The following ADGRL3 variants were observed in gnomAD, a reference collection of about 807,000 sequenced individuals.
ADGRL3 encodes the protein adhesion G protein-coupled receptor L3, also known as calcium-independent alpha-latrotoxin receptor 3.
A neutral mutation model predicts 153.5 loss-of-function variants in ADGRL3; 62 were observed. The observed-to-expected ratio is 0.40, with a 90% CI of 0.33 to 0.50. ADGRL3 has a LOEUF of 0.50. ADGRL3 is among the 20% of genes least tolerant of loss of function. ADGRL3 has a pLI of 0.47. For missense variants in ADGRL3, 1,641 were observed against 1,859.4 expected (o/e 0.88, Z 2.16); for synonymous variants, 710 against 672.5 (o/e 1.06, Z -0.86).
At chr4:61,279,050 T>C (rs1474818775) in intron 1 of ADGRL3, among the ~76,000 whole-genome samples, 1 of 152,200 alleles carries the variant, frequency 6.6e-6, no homozygotes, top group East Asian at 1.9e-4. Context: ...CGTCTGTTCA[T>C]GATCATAAAA....
At chr4:61,912,201 G>C (rs898463290) in intron 12 of ADGRL3, among the ~76,000 whole-genome samples, 4 of 152,084 alleles carry the variant, frequency 2.6e-5, no homozygotes, top group African/African-American at 9.7e-5. Flanking sequence ...GAGTCATAAT[G>C]AATGGGCATT....
chr4:61,863,177 C>T (rs1009316764), intron 9 of ADGRL3, among the ~76,000 whole-genome samples: 24 of 150,854 alleles, frequency 1.6e-4, no homozygotes, highest in African/African-American at 5.4e-4. Context: ...TAACATAGAT[C>T]GACACATTAT....
chr4:61,743,024 AG>A (rs2096601521), intron 8 of ADGRL3, among the ~76,000 whole-genome samples: 1 of 151,604 alleles, frequency 6.6e-6, no homozygotes, highest in Non-Finnish European at 1.5e-5. Flanking sequence ...CAATAATGTT[AG>A]AAAAAACAAT....
intron 2 of ADGRL3, among the ~76,000 whole-genome samples, chr4:61,488,471 C>G (rs1046776275): frequency 4.0e-5 from 6 of 151,890 alleles, no homozygotes; most frequent in Non-Finnish European, 7.4e-5. Flanking sequence ...GTCTTCCTTG[C>G]TCTGATCTCT....
intron 6 of ADGRL3, among the ~76,000 whole-genome samples, chr4:61,709,408 G>T (rs2095920043): frequency 6.6e-6 from 1 of 151,928 alleles, no homozygotes; most frequent in African/African-American, 2.4e-5. Context: ...CCTGTTTTAT[G>T]TTTACCATTG....
chr4:62,007,389 C>CAA (rs2099163860), intron 21 of ADGRL3, among the ~76,000 whole-genome samples: 1 of 41,844 alleles, frequency 2.4e-5, no homozygotes, highest in African/African-American at 9.8e-5. Flanking sequence ...TATATACACA[C>CAA]ACACACATAT....
At chr4:61,438,710 CTTT>C (rs11372072) in intron 2 of ADGRL3, among the ~76,000 whole-genome samples, 2 of 137,904 alleles carry the variant, frequency 1.5e-5, no homozygotes, top group Admixed American at 7.4e-5. Flanking sequence ...ATCTTTCTTT[CTTT>C]TTTTTTTTTT....
chr4:61,895,447 C>G (rs994191450), intron 10 of ADGRL3, among the ~76,000 whole-genome samples: 2 of 144,934 alleles, frequency 1.4e-5, no homozygotes, highest in Non-Finnish European at 3.0e-5. Context: ...GTCTGGGCAA[C>G]AGAACAAGAC....
intron 4 of ADGRL3, among the ~76,000 whole-genome samples, chr4:61,541,346 ATTTTT>A (rs3075146): frequency 9.7e-6 from 1 of 103,332 alleles, no homozygotes; most frequent in Non-Finnish European, 1.8e-5. Flanking sequence ...TCTGGTAGAG[ATTTTT>A]TTTTTTTTTT....
chr4:61,346,666 T>G (rs141401202), intron 1 of ADGRL3, among the ~76,000 whole-genome samples: 112 of 150,756 alleles, frequency 7.4e-4, no homozygotes, highest in African/African-American at 2.7e-3. Flanking sequence ...TCCCGGCTAC[T>G]CTGAAGGCTG....
At chr4:61,833,981 G>A (rs560684932) in intron 9 of ADGRL3, among the ~76,000 whole-genome samples, 2,125 of 93,112 alleles carry the variant, frequency 0.023, 48 homozygotes, top group African/African-American at 0.077. Context: ...TTTTTTTATT[G>A]TACTTTAAGT....
At chr4:61,644,373 T>C (rs1202585276) in intron 5 of ADGRL3, among the ~76,000 whole-genome samples, 1 of 152,014 alleles carries the variant, frequency 6.6e-6, no homozygotes, top group Non-Finnish European at 1.5e-5. Flanking sequence ...TTCTTTTAAT[T>C]GTGATGTTAG....
chr4:62,072,660 G>A lies in ADGRL3; in HGVS notation c.*1752G>A, dbSNP rs922908510. On this transcript the variant is annotated 3_prime_UTR_variant, in exon 27 of 27. Coordinates refer to ENST00000683033, the MANE Select transcript of ADGRL3 (RefSeq NM_001387552.1). ...AAAATGGAATGGGCATGTTTATTTT[G>A]GATGAAATCAGATGCATAACTTAAT... 2.0e-5 allele frequency: 3 copies of A among 152,074 alleles called. No homozygotes were observed. The highest frequency in any genetic ancestry group is 2.9e-5 in the Non-Finnish European group (2 of 68,004). The allele number at this position is 152,074 out of a possible 1,614,324, so 9.4% of individuals were successfully genotyped here.
chr4:61,407,296 T>C (rs1560584499), intron 2 of ADGRL3, among the ~76,000 whole-genome samples: 1 of 152,162 alleles, frequency 6.6e-6, no homozygotes, highest in Non-Finnish European at 1.5e-5. Context: ...TAACTTGCTT[T>C]GTTATTACAG....
intron 1 of ADGRL3, among the ~76,000 whole-genome samples, chr4:61,322,309 G>A (rs1273517750): frequency 1.3e-5 from 2 of 152,086 alleles, no homozygotes; most frequent in Middle Eastern, 3.2e-3. Context: ...ATTTGTGTGG[G>A]GACACAGAGC....
intron 2 of ADGRL3, among the ~76,000 whole-genome samples, chr4:61,466,206 A>G (rs1462138382): frequency 1.3e-5 from 2 of 152,220 alleles, no homozygotes; most frequent in African/African-American, 4.8e-5. Context: ...TTTAAAGTTG[A>G]TAGTAACATT....
intron 8 of ADGRL3, among the ~76,000 whole-genome samples, chr4:61,743,944 C>G (rs1411702707): frequency 6.6e-6 from 1 of 152,160 alleles, no homozygotes; most frequent in Non-Finnish European, 1.5e-5. Context: ...GGGTCAGGGA[C>G]TTCCCTTTCC....
intron 2 of ADGRL3, among the ~76,000 whole-genome samples, chr4:61,404,597 T>G (rs1488291690): frequency 6.6e-6 from 1 of 152,084 alleles, no homozygotes; most frequent in Non-Finnish European, 1.5e-5. Context: ...CAGGTGGGTG[T>G]GACTGCTGAG....
chr4:62,016,823 G>A (rs756449321), intron 21 of ADGRL3, among the ~76,000 whole-genome samples: 15 of 151,922 alleles, frequency 9.9e-5, no homozygotes, highest in Non-Finnish European at 2.1e-4. Flanking sequence ...TCATACACAC[G>A]TCTATATCTT....
Sources: gnomAD v4.1 joint callset for allele counts (sites outside exome capture counted in the v4.1 genomes callset) on GRCh38, gnomAD v4.1.1 for gene constraint, MANE v1.5 for transcripts, NCBI Gene and HGNC (gene_info 2026-07-23, HGNC 2026-07-21) for gene names.